The following GLDN variants were observed in gnomAD, a reference collection of about 807,000 sequenced individuals.
GLDN encodes gliomedin, also known as collomin.
In GLDN, 47 loss-of-function variants were observed where a neutral mutation model predicts 56.5. The observed-to-expected ratio is 0.83, with a 90% CI of 0.66 to 1.06. The LOEUF (loss-of-function observed/expected upper bound fraction) is 1.06, where lower values mean the gene tolerates loss of function less well. Ranked by LOEUF, GLDN falls within the 50% of genes least tolerant of loss-of-function variation. The pLI is 0.00. For missense variants in GLDN, 782 were observed against 714.3 expected (o/e 1.09, Z -1.08); for synonymous variants, 332 against 278.8 (o/e 1.19, Z -1.90).
chr15:51,371,381 T>G, intron 1 of GLDN, among the ~76,000 whole-genome samples: 1 of 152,236 alleles, frequency 6.6e-6, no homozygotes, highest in Non-Finnish European at 1.5e-5. Flanking sequence ...AGCATTTTCT[T>G]TTTAACAGAT....
At chr15:51,411,014 G>A (rs2038459136), downstream of GLDN, among the ~76,000 whole-genome samples, 1 of 152,170 alleles carries the variant, frequency 6.6e-6, no homozygotes, top group African/African-American at 2.4e-5. Flanking sequence ...TGATCAACTG[G>A]CATGGTATAG....
At chr15:51,355,705 A>G (rs1430033555) in intron 1 of GLDN, among the ~76,000 whole-genome samples, 1 of 149,544 alleles carries the variant, frequency 6.7e-6, no homozygotes, top group Non-Finnish European at 1.5e-5. Flanking sequence ...TTGTATTTTT[A>G]GTAGAGACGG....
At chr15:51,397,439 C>T (rs1300044330) in intron 5 of GLDN, 31 bp from the exon 6 acceptor site, 3 of 1,314,088 alleles carry the variant, frequency 2.3e-6, no homozygotes, top group African/African-American at 1.5e-5. Context: ...CTCTTGCCTC[C>T]TTCTCTCCCT....
chr15:51,383,323 G>C, intron 2 of GLDN, 113 bp from the exon 3 acceptor site: 1 of 1,138,534 alleles, frequency 8.8e-7, no homozygotes, highest in Non-Finnish European at 1.3e-6. Flanking sequence ...AATACAAGGT[G>C]TCAAATCCAT....
intron 1 of GLDN, among the ~76,000 whole-genome samples, chr15:51,352,523 C>T (rs1051867183): frequency 6.6e-6 from 1 of 152,122 alleles, no homozygotes; most frequent in African/African-American, 2.4e-5. Context: ...CTTCAGGGTG[C>T]CAACTTGTCT....
chr15:51,342,099 G>GC, intron 1 of GLDN, 52 bp downstream of exon 1: 1 of 1,583,106 alleles, frequency 6.3e-7, no homozygotes, highest in East Asian at 2.3e-5. Context: ...GGCGGCTGGG[G>GC]GTGTGGGGCG....
chr15:51,382,380 CATA>C (rs1246526774), intron 2 of GLDN, among the ~76,000 whole-genome samples: 2 of 152,172 alleles, frequency 1.3e-5, no homozygotes, highest in East Asian at 3.9e-4. Context: ...GTTTGATGCA[CATA>C]ATAACTGCTT....
rs1481595138 is a variant in GLDN, at chr15:51,407,036, A to G, written c.*2282A>G. On this transcript the variant is annotated 3_prime_UTR_variant, in exon 10 of 10. Coordinates refer to ENST00000335449, the MANE Select transcript of GLDN (RefSeq NM_181789.4). ...CAAAAGAGGTTGTTAATTAGCACATATTCCTTTTAGAAAAATGTTTCAGAA... is the reference window on the plus strand; with the variant it reads ...CAAAAGAGGTTGTTAATTAGCACATGTTCCTTTTAGAAAAATGTTTCAGAA... 3 of 152,212 alleles carry G rather than the reference A, an allele frequency of 2.0e-5. No individual in the cohort carries two copies. The highest frequency in any genetic ancestry group is 2.9e-5 in the Non-Finnish European group (2 of 68,032). The allele number at this position is 152,212 out of a possible 1,614,324, so 9.4% of individuals were successfully genotyped here. A position where few individuals can be genotyped will look rare whatever the true frequency, so the allele number is the denominator to read the frequency against.
rs2038403523 is a variant in GLDN, at chr15:51,407,241, C to G, written c.*2487C>G. On this transcript the variant is annotated 3_prime_UTR_variant, in exon 10 of 10. Coordinates refer to ENST00000335449, the MANE Select transcript of GLDN (RefSeq NM_181789.4). ...TCAGTGTTTAATCGCAGTGGGTAAT[C>G]TTATCTGATTGTCTTTAAAAGTGAA... The G allele has an allele frequency of 6.6e-6, 1 of 151,738 alleles. No homozygotes were observed. The highest frequency in any genetic ancestry group is 2.1e-4 in the South Asian group (1 of 4,808). The allele number at this position is 151,738 out of a possible 1,614,324, so 9.4% of individuals were successfully genotyped here. A position where few individuals can be genotyped will look rare whatever the true frequency, so the allele number is the denominator to read the frequency against.
intron 4 of GLDN, among the ~76,000 whole-genome samples, chr15:51,386,448 C>T (rs2037895453): frequency 6.6e-6 from 1 of 152,212 alleles, no homozygotes; most frequent in Non-Finnish European, 1.5e-5. Context: ...GGACAGATTC[C>T]CTTCATACCC....
chr15:51,371,738 A>C (rs898647074), intron 1 of GLDN, among the ~76,000 whole-genome samples: 7 of 152,160 alleles, frequency 4.6e-5, no homozygotes, highest in Non-Finnish European at 1.5e-5. Flanking sequence ...GCTGGAGTGC[A>C]GTGGCTCGAT....
At chr15:51,374,090 A>G (rs1215310426) in intron 1 of GLDN, among the ~76,000 whole-genome samples, 2 of 152,358 alleles carry the variant, frequency 1.3e-5, no homozygotes, top group African/African-American at 2.4e-5. Context: ...ATTTACTGGT[A>G]AATATCTCAA....
chr15:51,391,800 C>T (rs544243938), intron 4 of GLDN, among the ~76,000 whole-genome samples: 74 of 152,348 alleles, frequency 4.9e-4, no homozygotes, highest in African/African-American at 1.7e-3. Context: ...AGTGGAGGGG[C>T]CCCCTGCTCC....
At chr15:51,397,232 G>T (rs550772051) in intron 5 of GLDN, among the ~76,000 whole-genome samples, 17 of 152,222 alleles carry the variant, frequency 1.1e-4, no homozygotes, top group Non-Finnish European at 2.2e-4. Flanking sequence ...AGAATGAAAA[G>T]GTCTGGCTGT....
At chr15:51,387,391 G>C (rs1171515934) in intron 4 of GLDN, among the ~76,000 whole-genome samples, 1 of 152,158 alleles carries the variant, frequency 6.6e-6, no homozygotes, top group Non-Finnish European at 1.5e-5. Context: ...AGGGAAGAAC[G>C]AGGTGCTCTG....
chr15:51,351,252 C>G (rs7178417), intron 1 of GLDN: 28,734 of 189,558 alleles, frequency 0.15, 2,455 homozygotes, highest in South Asian at 0.28. Context: ...CTCAAGTGTT[C>G]CTCCTGCCTC....
At chr15:51,361,304 T>C (rs1389124400) in intron 1 of GLDN, among the ~76,000 whole-genome samples, 1 of 152,246 alleles carries the variant, frequency 6.6e-6, no homozygotes, top group East Asian at 1.9e-4. Flanking sequence ...CCTTATCTCT[T>C]TAAATATGTC....
chr15:51,411,899 A>T (rs1244409995), downstream of GLDN, among the ~76,000 whole-genome samples: 2 of 152,244 alleles, frequency 1.3e-5, no homozygotes, highest in Non-Finnish European at 2.9e-5. Flanking sequence ...TCCATTAAGA[A>T]CATTGTTTTG....
chr15:51,397,491 C>T lies in GLDN; in HGVS notation c.710C>T (p.Pro237Leu), dbSNP rs771413809. The change falls in exon 6 of 10, where the codon CCA (proline) becomes CTA (leucine). Residue 237 changes from proline (P) to leucine (L), a missense_variant. Pro to Leu is a moderately conservative substitution (Grantham distance 98, BLOSUM62 -3). Coordinates refer to ENST00000335449, the MANE Select transcript of GLDN (RefSeq NM_181789.4). ...LLAGAKGDQG[P>L]PGPPGPPGPP... is the part of the protein sequence containing the mutation. Reference sequence around the variant, plus strand: ...CCAGGTGCCAAAGGTGACCAAGGCCCACCCGGTCCACCTGGGCCCCCAGGC... The same window carrying T: ...CCAGGTGCCAAAGGTGACCAAGGCCTACCCGGTCCACCTGGGCCCCCAGGC... 32 of 1,558,810 alleles carry T rather than the reference C, an allele frequency of 2.1e-5. No individual in the cohort carries two copies. Among genetic ancestry groups the T allele is most frequent in the Non-Finnish European group, 2.7e-5 (31 of 1,150,946 alleles).
Sources: gnomAD v4.1 joint callset for allele counts (sites outside exome capture counted in the v4.1 genomes callset) on GRCh38, gnomAD v4.1.1 for gene constraint, MANE v1.5 for transcripts, NCBI Gene and HGNC (gene_info 2026-07-23, HGNC 2026-07-21) for gene names.